Variants in CYS1 observed in about 807,000 individuals in gnomAD.
CYS1 encodes the protein cystin-1.
Under a neutral mutation model 9.6 loss-of-function variants are expected in CYS1, and 5 were observed. The observed-to-expected ratio is 0.52, with a 90% CI of 0.27 to 1.10. CYS1 has a LOEUF of 1.10. CYS1 is among the 50% of genes least tolerant of loss of function. CYS1 has a pLI of 0.11. For missense variants in CYS1, 221 were observed against 207.9 expected, an observed-to-expected ratio of 1.06 and a Z score of -0.39; for synonymous variants, 88 against 95.7, an observed-to-expected ratio of 0.92 and a Z score of 0.47.
Position 10,063,157 on chromosome 2 carries a change from C to G in CYS1, c.371+2747G>C, listed in dbSNP as rs6737737. Among the ~76,000 whole-genome samples the G allele has an allele frequency of 6.6e-6, 1 of 152,018 alleles. No individual in the cohort carries two copies. The highest frequency in any genetic ancestry group is 1.5e-5 in the Non-Finnish European group (1 of 67,972). ...GACATTAAACAATCCTGTCAATAAGCGTCTATGAAATGCTACCATGTGCCT... is the reference window on the plus strand; with the variant it reads ...GACATTAAACAATCCTGTCAATAAGGGTCTATGAAATGCTACCATGTGCCT... On this transcript the variant is annotated intron_variant, in intron 2 of 2. Transcript: ENST00000381813. This position sits in a 1 kb window ranked among gnomAD's most constrained non-coding sequence, Gnocchi z 4.2.
intron 1 of CYS1, among the ~76,000 whole-genome samples, chr2:10,074,702 A>AG (rs1413201640): frequency 6.6e-6 from 1 of 152,244 alleles, no homozygotes; most frequent in Admixed American, 6.5e-5. Flanking sequence ...CACTGCCTAC[A>AG]GGACAGTTCA....
chr2:10,070,306 G>T (rs569771544), intron 1 of CYS1, among the ~76,000 whole-genome samples: 5 of 152,194 alleles, frequency 3.3e-5, no homozygotes, highest in Admixed American at 3.3e-4. Flanking sequence ...GACCTCTATC[G>T]CTGCGGTCCC....
At chr2:10,065,377 G>A (rs1445990959) in intron 2 of CYS1, among the ~76,000 whole-genome samples, 1 of 152,222 alleles carries the variant, frequency 6.6e-6, no homozygotes, top group Non-Finnish European at 1.5e-5. Flanking sequence ...GCCTGGGGTG[G>A]AAAGACATCC....
intron 1 of CYS1, among the ~76,000 whole-genome samples, chr2:10,072,692 C>A (rs755257298): frequency 1.3e-5 from 2 of 152,356 alleles, no homozygotes; most frequent in Non-Finnish European, 1.5e-5. Context: ...ACTCCTACAA[C>A]GGCTCTCCTG....
chr2:10,078,221 C>T (rs11681443), intron 1 of CYS1, among the ~76,000 whole-genome samples: 2,706 of 152,316 alleles, frequency 0.018, 49 homozygotes, highest in Non-Finnish European at 0.03. Flanking sequence ...GCAAGCCTCT[C>T]ACCGCCACTG....
chr2:10,058,694 T>C lies in CYS1; in HGVS notation c.*159A>G. On this transcript the variant is annotated 3_prime_UTR_variant, in exon 3 of 3. Coordinates refer to ENST00000381813, the MANE Select transcript of CYS1 (RefSeq NM_001037160.3). ...CATGACCGCCAGTGGCTGGCCCAGG[T>C]CAGCGCGGTCTGAAAGTGGATTTGA... The C allele has an allele frequency of 1.6e-6, 1 of 616,606 alleles. No individual in the cohort carries two copies. Among genetic ancestry groups the C allele is most frequent in the Non-Finnish European group, 2.8e-6 (1 of 363,006 alleles). 38.2% of individuals were successfully genotyped at this position (616,606 alleles called of 1,614,324 possible).
intron 1 of CYS1, among the ~76,000 whole-genome samples, chr2:10,075,398 A>G (rs1221304839): frequency 6.6e-6 from 1 of 152,222 alleles, no homozygotes; most frequent in Non-Finnish European, 1.5e-5. Flanking sequence ...GGGGGTCCGC[A>G]CCATCCTTTC....
At position 10,074,829 on chromosome 2, in the gene CYS1, G is replaced by A. The variant is rs1661820201; in HGVS notation, c.318+5077C>T. On this transcript the variant is annotated intron_variant, in intron 1 of 2. Transcript: ENST00000381813. ...CTCCAGGCTGTTCAAAAGCACTTCT[G>A]GGCCAGGTGCGGTCGCTCATGCCTA... is the stretch of plus-strand genomic sequence containing the variant. 2.6e-5 allele frequency among the ~76,000 whole-genome samples: 4 copies of A among 152,256 alleles called. No homozygotes were observed. The South Asian group carries it at 8.3e-4, about 32-fold the overall frequency.
chr2:10,072,258 T>C (rs1337181230), intron 1 of CYS1, among the ~76,000 whole-genome samples: 1 of 152,146 alleles, frequency 6.6e-6, no homozygotes, highest in Admixed American at 6.5e-5. Context: ...AATTTTTGTA[T>C]TTTTAGTAGA....
chr2:10,078,621 G>A lies in CYS1; in HGVS notation c.318+1285C>T, dbSNP rs537371378. Among the ~76,000 whole-genome samples, 137 of 152,268 alleles carry A rather than the reference G, an allele frequency of 9.0e-4. 1 individual carries two copies. The highest frequency in any genetic ancestry group is 1.3e-3 in the Non-Finnish European group (87 of 68,028). On this transcript the variant is annotated intron_variant, in intron 1 of 2. Coordinates refer to ENST00000381813, the MANE Select transcript of CYS1 (RefSeq NM_001037160.3). ...GGACAACTTCCAAATTCATCCCTTC[G>A]GGAATGCCTACCTGCCTCCCTTGGG...
At chr2:10,061,731 G>A (rs1242477436) in intron 2 of CYS1, among the ~76,000 whole-genome samples, 1 of 152,202 alleles carries the variant, frequency 6.6e-6, no homozygotes, top group Non-Finnish European at 1.5e-5. Context: ...CTGGGTCTGT[G>A]AGAGGTCAGG....
rs1455689902 is a variant in CYS1 at position 10,080,177 on chromosome 2, C to T, written c.47G>A (p.Arg16His). The change falls in exon 1 of 3, where the codon CGC becomes CAC. Residue 16 changes from arginine (R) to histidine (H), a missense_variant. Coordinates refer to ENST00000381813, the MANE Select transcript of CYS1 (RefSeq NM_001037160.3). This position sits in a 1 kb window ranked among gnomAD's most constrained non-coding sequence, Gnocchi z 6.4. Reference sequence around the variant, plus strand: ...CCCCGCGGGGAGGCTCTCGGGGCTGCGCCGCCGCCTCAGAGTCCGGCTGCT... The same window carrying T: ...CCCCGCGGGGAGGCTCTCGGGGCTGTGCCGCCGCCTCAGAGTCCGGCTGCT... ...SRSSRTLRRRRSPESLPAGPG... is the reference protein window; with the variant it reads ...SRSSRTLRRRHSPESLPAGPG... The T allele has an allele frequency of 1.9e-6, 2 of 1,069,402 alleles. No individual in the cohort carries two copies. The highest frequency in any genetic ancestry group is 3.6e-5 in the South Asian group (1 of 27,566). 66.2% of individuals were successfully genotyped at this position (1,069,402 alleles called of 1,614,324 possible).
In CYS1 at chr2:10,058,820, T is replaced by C. The variant is rs1236049519; in HGVS notation, c.*33A>G. On this transcript the variant is annotated 3_prime_UTR_variant, in exon 3 of 3. Transcript: ENST00000381813. ...GAGGGTGCCCCAGCCAGCAGGTGCCTCCGAGGCCTGGCGGGGGTGGAGCAT... is the reference window on the plus strand; with the variant it reads ...GAGGGTGCCCCAGCCAGCAGGTGCCCCCGAGGCCTGGCGGGGGTGGAGCAT... 13 of 1,525,072 alleles carry C rather than the reference T, an allele frequency of 8.5e-6. No homozygotes were observed. Among genetic ancestry groups the C allele is most frequent in the Non-Finnish European group, 1.2e-5 (13 of 1,130,370 alleles). 94.5% of individuals were successfully genotyped at this position (1,525,072 alleles called of 1,614,324 possible). A position where few individuals can be genotyped will look rare whatever the true frequency, so the allele number is the denominator to read the frequency against.
intron 2 of CYS1, among the ~76,000 whole-genome samples, chr2:10,062,508 C>T (rs1661641214): frequency 6.6e-6 from 1 of 152,084 alleles, no homozygotes; most frequent in Non-Finnish European, 1.5e-5. Flanking sequence ...GCAAGGGATT[C>T]TCCTGTCTCA....
At chr2:10,065,189 C>A (rs2125288606) in intron 2 of CYS1, among the ~76,000 whole-genome samples, 1 of 152,326 alleles carries the variant, frequency 6.6e-6, no homozygotes, top group Admixed American at 6.5e-5. Flanking sequence ...GGTAGGACCT[C>A]CCAGTGTCTG....
rs940524369 is a variant in CYS1 at position 10,065,325 on chromosome 2, T to C, written c.371+579A>G. Among the ~76,000 whole-genome samples, 4 of 152,226 alleles carry C rather than the reference T, an allele frequency of 2.6e-5. No individual in the cohort carries two copies. In the South Asian group the frequency reaches 6.2e-4, roughly 24 times the overall value. On this transcript the variant is annotated intron_variant, in intron 2 of 2. Coordinates refer to ENST00000381813, the MANE Select transcript of CYS1 (RefSeq NM_001037160.3). ...ACAATCACCCACTCCCAGTGACCCC[T>C]TGCCACATTAGCTGGAGGTCAGCAA...
At chr2:10,077,905 T>C (rs1661877675) in intron 1 of CYS1, among the ~76,000 whole-genome samples, 1 of 150,342 alleles carries the variant, frequency 6.7e-6, no homozygotes. Context: ...AGGTCAGGAG[T>C]TTGAAACCAG....
Position 10,058,891 on chromosome 2 carries a change from C to T in CYS1, c.439G>A (p.Gly147Arg). The T allele has an allele frequency of 6.3e-7, 1 of 1,594,998 alleles. No homozygotes were observed. Among genetic ancestry groups the T allele is most frequent in the Non-Finnish European group, 8.5e-7 (1 of 1,171,420 alleles). The change falls in exon 3 of 3, where the codon GGG (glycine) becomes AGG (arginine). Residue 147 changes from glycine (G) to arginine (R), a missense_variant. By Grantham distance (125) the Gly-to-Arg change is moderately radical (BLOSUM62 -2). Transcript: ENST00000381813. ...AAISYDHSEE[G>R]LMASIEREYC... ...TCCCGCTCGATGCTCGCCATCAGCCCCTCTTCCGAGTGGTCGTAGGAGATG... is the reference window on the plus strand; with the variant it reads ...TCCCGCTCGATGCTCGCCATCAGCCTCTCTTCCGAGTGGTCGTAGGAGATG...
At chr2:10,070,358 T>A (rs994811498) in intron 1 of CYS1, among the ~76,000 whole-genome samples, 14 of 152,300 alleles carry the variant, frequency 9.2e-5, no homozygotes, top group African/African-American at 3.1e-4. Context: ...ATTTTTCACT[T>A]TTTTTGAGAT....
Sources: gnomAD v4.1 joint callset for allele counts (sites outside exome capture counted in the v4.1 genomes callset) on GRCh38, gnomAD v4.1.1 for gene constraint, Gnocchi (gnomAD v3.1) non-coding constraint, MANE v1.5 for transcripts, NCBI Gene and HGNC (gene_info 2026-07-23, HGNC 2026-07-21) for gene names.